DUSP8: variants seen among roughly 807,000 people sequenced by gnomAD.
The protein encoded by DUSP8 is dual specificity protein phosphatase 8.
DUSP8 carries 15 observed loss-of-function variants against 38.7 expected under a neutral mutation model. The ratio of observed to expected loss-of-function variants is 0.39; its 90% CI spans 0.26 to 0.60. DUSP8 has a LOEUF of 0.60. Ranked by LOEUF, DUSP8 falls within the 20% of genes least tolerant of loss-of-function variation. The pLI is 0.56. For synonymous variants in DUSP8, 458 were observed against 433.9 expected (o/e 1.06, Z -0.69); for missense variants, 768 against 915.0 (o/e 0.84, Z 2.07).
chr11:1,564,981 G>A (rs572452189), intron 2 of DUSP8, among the ~76,000 whole-genome samples: 5 of 152,314 alleles, frequency 3.3e-5, no homozygotes, highest in East Asian at 1.9e-4. Flanking sequence ...CAACAGCCCC[G>A]CTGGTCCCTC....
chr11:1,557,941 C>T lies in DUSP8; in HGVS notation c.698-24G>A. ...ATCTGGGCAGGTGGGCCATGGGGGC[C>T]AGGTGAGGGCTAAGACTGCACAGCT... On this transcript the variant is annotated intron_variant, in intron 5 of 6. Coordinates refer to ENST00000397374, the MANE Select transcript of DUSP8 (RefSeq NM_004420.3). The surrounding 1 kb of genome is among the most constrained non-coding windows in gnomAD (Gnocchi z 9.9). The T allele has an allele frequency of 6.2e-7, 1 of 1,613,636 alleles. No homozygotes were observed. Among genetic ancestry groups the T allele is most frequent in the East Asian group, 2.2e-5 (1 of 44,874 alleles).
intron 1 of DUSP8, among the ~76,000 whole-genome samples, chr11:1,569,751 A>G (rs996928222): frequency 2.6e-5 from 4 of 152,094 alleles, no homozygotes; most frequent in African/African-American, 9.7e-5. Context: ...GGGACTCACT[A>G]CCTTCAGAGA....
At position 1,557,805 on chromosome 11, in the gene DUSP8, G is replaced by A. The variant is rs779190227; in HGVS notation, c.810C>T (p.Asp270=). Residue 270 remains aspartate, a synonymous_variant, in exon 6 of 7, where the codon GAC becomes GAT. Coordinates refer to ENST00000397374, the MANE Select transcript of DUSP8 (RefSeq NM_004420.3). This position sits in a 1 kb window ranked among gnomAD's most constrained non-coding sequence, Gnocchi z 9.9. ...GGGGAAGGTGGTACCTGTAGGCGTC[G>A]TCGGAGGACATGCCCATGGTCTTCA... is the stretch of plus-strand genomic sequence containing the variant. The part of the protein sequence containing the change: ...YIMKTMGMSS[D]DAYRFVKDRR... The A allele has an allele frequency of 1.5e-5, 24 of 1,613,080 alleles. No homozygotes were observed. Among genetic ancestry groups the A allele is most frequent in the African/African-American group, 1.2e-4 (9 of 74,924 alleles).
chr11:1,564,464 C>A (rs868013311), intron 2 of DUSP8, among the ~76,000 whole-genome samples: 3 of 152,188 alleles, frequency 2.0e-5, no homozygotes, highest in South Asian at 2.1e-4. Context: ...CCACCCTATC[C>A]CCTCCCCAAC....
chr11:1,557,291 C>A lies in DUSP8; in HGVS notation c.1105G>T (p.Ala369Ser). Residue 369 changes from alanine to serine, a missense_variant, in exon 7 of 7, where the codon GCA becomes TCA. By Grantham distance (99) the Ala-to-Ser change is moderately conservative. Transcript: ENST00000397374. This position sits in a 1 kb window ranked among gnomAD's most constrained non-coding sequence, Gnocchi z 9.9. ...PAPPTPPATS[A>S]LQQGLRGLHL... ...AGGCCGCGCAGGCCCTGCTGCAGTG[C>A]GCTGGTCGCCGGGGGCGTGGGGGGC... 2 of 1,472,278 alleles carry A rather than the reference C, an allele frequency of 1.4e-6. No homozygotes were observed. The highest frequency in any genetic ancestry group is 1.8e-6 in the Non-Finnish European group (2 of 1,119,712). 91.2% of individuals were successfully genotyped at this position (1,472,278 alleles called of 1,614,324 possible).
rs552782042 is a variant in DUSP8 at position 1,567,491 on chromosome 11, G to C, written c.-108-1557C>G. 2.2e-4 allele frequency among the ~76,000 whole-genome samples: 33 copies of C among 152,330 alleles called. No individual in the cohort carries two copies. The South Asian group carries it at 6.4e-3, about 30-fold the overall frequency. ...GGCCCAGCCCCAACTCCACACTGAG[G>C]GGCAGGTCCCAGCTCCTCCCTGCCC... On this transcript the variant is annotated intron_variant, in intron 1 of 6. Coordinates refer to ENST00000397374, the MANE Select transcript of DUSP8 (RefSeq NM_004420.3).
rs942238102 is a variant in DUSP8, at chr11:1,557,210, G to C, written c.1186C>G (p.Leu396Val). ...DTNRLKRSFS[L>V]DIKSAYAPSR... ...GGGGCGTAGGCAGACTTGATGTCCAGGGAGAAGGAGCGCTTGAGGCGGTTA... is the reference window on the plus strand; with the variant it reads ...GGGGCGTAGGCAGACTTGATGTCCACGGAGAAGGAGCGCTTGAGGCGGTTA... Residue 396 changes from leucine (L) to valine (V), a missense_variant, in exon 7 of 7, where the codon CTG (leucine) becomes GTG (valine). Coordinates refer to ENST00000397374, the MANE Select transcript of DUSP8 (RefSeq NM_004420.3). This position sits in a 1 kb window ranked among gnomAD's most constrained non-coding sequence, Gnocchi z 9.9. 6.7e-7 allele frequency: 1 copy of C among 1,495,202 alleles called. No individual in the cohort carries two copies. Among genetic ancestry groups the C allele is most frequent in the African/African-American group, 1.5e-5 (1 of 68,124 alleles). 92.6% of individuals were successfully genotyped at this position (1,495,202 alleles called of 1,614,324 possible).
At position 1,557,387 on chromosome 11, in the gene DUSP8, A is replaced by T; in HGVS notation, c.1009T>A (p.Ser337Thr). 1 of 1,570,538 alleles carries T rather than the reference A, an allele frequency of 6.4e-7. No homozygotes were observed. The change falls in exon 7 of 7, where the codon TCA becomes ACA. Residue 337 changes from serine to threonine, a missense_variant. Coordinates refer to ENST00000397374, the MANE Select transcript of DUSP8 (RefSeq NM_004420.3). This position sits in a 1 kb window ranked among gnomAD's most constrained non-coding sequence, Gnocchi z 9.9. Reference protein sequence around the residue: ...APLPRLPPPTSESAATGNAAA... With the variant: ...APLPRLPPPTTESAATGNAAA... ...GCATTCCCTGTGGCAGCGCTCTCTG[A>T]GGTAGGTGGTGGCAGCCGTGGCAGC...
Position 1,555,508 on chromosome 11 carries a change from G to A in DUSP8, c.*1010C>T, listed in dbSNP as rs1848607979. 1.0e-6 allele frequency: 1 copy of A among 976,836 alleles called. No individual in the cohort carries two copies. The highest frequency in any genetic ancestry group is 1.2e-6 in the Non-Finnish European group (1 of 821,802). 60.5% of individuals were successfully genotyped at this position (976,836 alleles called of 1,614,324 possible). A position where few individuals can be genotyped will look rare whatever the true frequency, so the allele number is the denominator to read the frequency against. ...CTGGGAGGGGGGCGGGGCAGACCTG[G>A]AACAGAACCCTAAGACCACCCCCTC... On this transcript the variant is annotated 3_prime_UTR_variant, in exon 7 of 7. Coordinates refer to ENST00000397374, the MANE Select transcript of DUSP8 (RefSeq NM_004420.3).
chr11:1,571,685 G>T (rs1848900330), intron 1 of DUSP8: 2 of 151,648 alleles, frequency 1.3e-5, no homozygotes, highest in African/African-American at 4.8e-5. Flanking sequence ...GCTGGGCCCG[G>T]GTCCGCCGGG....
chr11:1,565,187 A>G (rs1372884070), intron 2 of DUSP8, among the ~76,000 whole-genome samples: 1 of 152,214 alleles, frequency 6.6e-6, no homozygotes, highest in Non-Finnish European at 1.5e-5. Context: ...TGGACCACAC[A>G]GCTGTCCCTG....
chr11:1,564,046 C>G, intron 2 of DUSP8, 57 bp from the exon 3 acceptor site: 2 of 1,391,400 alleles, frequency 1.4e-6, no homozygotes, highest in Non-Finnish European at 1.9e-6. Context: ...TGCCCTGGCC[C>G]CGTCCCAGAT....
In DUSP8 at chr11:1,557,124, C is replaced by T. The variant is rs1032384755; in HGVS notation, c.1272G>A (p.Lys424=). The change falls in exon 7 of 7, where the codon AAG becomes AAA. Residue 424 remains lysine (K), a synonymous_variant. Coordinates refer to ENST00000397374, the MANE Select transcript of DUSP8 (RefSeq NM_004420.3). The surrounding 1 kb of genome is among the most constrained non-coding windows in gnomAD (Gnocchi z 9.9). ...GCGCGGCCCCCGACGGGCTGTCCAG[C>T]TTGCAGAGCTTCGGGGCCTCGCCGG... The part of the protein sequence containing the change: ...PDPGEAPKLC[K]LDSPSGAALG... 22 of 1,406,542 alleles carry T rather than the reference C, an allele frequency of 1.6e-5. No individual in the cohort carries two copies. The highest frequency in any genetic ancestry group is 2.0e-5 in the Non-Finnish European group (22 of 1,089,634). The allele number at this position is 1,406,542 out of a possible 1,614,324, so 87.1% of individuals were successfully genotyped here.
In DUSP8 at chr11:1,557,159, G is replaced by C; in HGVS notation, c.1237C>G (p.Pro413Ala). Residue 413 changes from proline to alanine, a missense_variant, in exon 7 of 7, where the codon CCC (proline) becomes GCC (alanine). By Grantham distance (27) the Pro-to-Ala change is conservative. Coordinates refer to ENST00000397374, the MANE Select transcript of DUSP8 (RefSeq NM_004420.3). The surrounding 1 kb of genome is among the most constrained non-coding windows in gnomAD (Gnocchi z 9.9). ...APSRRPDGPG[P>A]PDPGEAPKLC... ...TTCGGGGCCTCGCCGGGGTCGGGGG[G>C]CCCGGGGCCGTCGGGCCGCCTGCTA... The C allele has an allele frequency of 1.4e-6, 2 of 1,441,850 alleles. No homozygotes were observed. Among genetic ancestry groups the C allele is most frequent in the South Asian group, 2.8e-5 (2 of 71,940 alleles). 89.3% of individuals were successfully genotyped at this position (1,441,850 alleles called of 1,614,324 possible).
rs2133446344 is a variant in DUSP8, at chr11:1,566,661, G to T, written c.-108-727C>A. Among the ~76,000 whole-genome samples, 3 of 152,318 alleles carry T rather than the reference G, an allele frequency of 2.0e-5. 1 individual carries two copies. Among genetic ancestry groups the T allele is most frequent in the Middle Eastern group, 3.4e-3 (1 of 294 alleles). Reference sequence around the variant, plus strand: ...GGGGGTGAGTGCCCAGCTCCTGCAGGGGCGTGTTGCACCCACACAGTGCCT... The same window carrying T: ...GGGGGTGAGTGCCCAGCTCCTGCAGTGGCGTGTTGCACCCACACAGTGCCT... On this transcript the variant is annotated intron_variant, in intron 1 of 6. Coordinates refer to ENST00000397374, the MANE Select transcript of DUSP8 (RefSeq NM_004420.3).
Position 1,555,187 on chromosome 11 carries a change from G to A in DUSP8, c.*1331C>T. Reference sequence around the variant, plus strand: ...AGGGGGTATGGGGCAGGGGCAGCAGGCTGACCCACCTGGGCCCAAAAGCCA... The same window carrying A: ...AGGGGGTATGGGGCAGGGGCAGCAGACTGACCCACCTGGGCCCAAAAGCCA... On this transcript the variant is annotated 3_prime_UTR_variant, in exon 7 of 7. Coordinates refer to ENST00000397374, the MANE Select transcript of DUSP8 (RefSeq NM_004420.3). 8.1e-6 allele frequency: 8 copies of A among 987,764 alleles called. No homozygotes were observed. Among genetic ancestry groups the A allele is most frequent in the Non-Finnish European group, 7.2e-6 (6 of 830,148 alleles). 61.2% of individuals were successfully genotyped at this position (987,764 alleles called of 1,614,324 possible).
rs1165539277 is a variant in DUSP8 at position 1,558,622 on chromosome 11, C to T, written c.537+267G>A. On this transcript the variant is annotated intron_variant, in intron 4 of 6. Coordinates refer to ENST00000397374, the MANE Select transcript of DUSP8 (RefSeq NM_004420.3). This position sits in a 1 kb window ranked among gnomAD's most constrained non-coding sequence, Gnocchi z 6.3. ...ATTCTTTCAGAGCTGGCCAGAGGCC[C>T]AGTGACATCCGCAGCTTGGCATGCC... is the stretch of plus-strand genomic sequence containing the variant. Among the ~76,000 whole-genome samples the T allele has an allele frequency of 6.6e-6, 1 of 152,152 alleles. No individual in the cohort carries two copies. Among genetic ancestry groups the T allele is most frequent in the Non-Finnish European group, 1.5e-5 (1 of 68,002 alleles).
rs1407254969 is a variant in DUSP8, at chr11:1,557,379, G to A, written c.1017C>T (p.Ser339=). 72 of 1,569,156 alleles carry A rather than the reference G, an allele frequency of 4.6e-5. No homozygotes were observed. The highest frequency in any genetic ancestry group is 5.4e-5 in the Non-Finnish European group (63 of 1,169,030). ...LPRLPPPTSE[S]AATGNAAARE... ...TGGCAGCCGCATTCCCTGTGGCAGC[G>A]CTCTCTGAGGTAGGTGGTGGCAGCC... The change falls in exon 7 of 7, where the codon AGC becomes AGT. Residue 339 remains serine, a synonymous_variant. Transcript: ENST00000397374. This position sits in a 1 kb window ranked among gnomAD's most constrained non-coding sequence, Gnocchi z 9.9.
chr11:1,557,230 C>A lies in DUSP8; in HGVS notation c.1166G>T (p.Arg389Leu). Residue 389 changes from arginine to leucine, a missense_variant, in exon 7 of 7, where the codon CGC (arginine) becomes CTC (leucine). Arg to Leu is a moderately radical substitution (Grantham distance 102). This residue lies in a region of DUSP8 where 474 missense variants were observed against 430.8 expected (regional missense o/e 1.10). Transcript: ENST00000397374. The surrounding 1 kb of genome is among the most constrained non-coding windows in gnomAD (Gnocchi z 9.9). The stretch of plus-strand genomic sequence containing the variant: ...GTCCAGGGAGAAGGAGCGCTTGAGG[C>A]GGTTAGTGTCCTGCAGGCGGTCCGA... ...LSSDRLQDTN[R>L]LKRSFSLDIK... 1 of 1,495,938 alleles carries A rather than the reference C, an allele frequency of 6.7e-7. No homozygotes were observed. Among genetic ancestry groups the A allele is most frequent in the South Asian group, 1.3e-5 (1 of 79,972 alleles). The allele number at this position is 1,495,938 out of a possible 1,614,324, so 92.7% of individuals were successfully genotyped here. A position where few individuals can be genotyped will look rare whatever the true frequency, so the allele number is the denominator to read the frequency against.
Sources: allele counts gnomAD v4.1 joint callset (sites outside exome capture counted in the v4.1 genomes callset), GRCh38; gene constraint gnomAD v4.1.1; regional missense constraint gnomAD v4.1.1; non-coding constraint Gnocchi (gnomAD v3.1); transcripts MANE v1.5; gene names NCBI Gene and HGNC (gene_info 2026-07-23, HGNC 2026-07-21).